CCDC171: variants seen among roughly 807,000 people sequenced by gnomAD.
CCDC171 encodes the protein coiled-coil domain-containing protein 171.
In CCDC171, 177 loss-of-function variants were observed where a neutral mutation model predicts 168.2. That is an observed-to-expected ratio of 1.05 (90% CI 0.93 to 1.19). CCDC171 has a LOEUF of 1.19. Ranked by LOEUF, CCDC171 falls within the 50% of genes most tolerant of loss-of-function variation. The pLI is 0.00. For synonymous variants in CCDC171, 687 were observed against 540.8 expected, an observed-to-expected ratio of 1.27 and a Z score of -3.75; for missense variants, 1,991 against 1,539.0, an observed-to-expected ratio of 1.29 and a Z score of -4.91.
chr9:15,915,860 T>A (rs1032060789), intron 24 of CCDC171, among the ~76,000 whole-genome samples: 9 of 152,192 alleles, frequency 5.9e-5, no homozygotes, highest in Non-Finnish European at 2.9e-5. Flanking sequence ...TCTGCATCTA[T>A]TGAGATGATC....
chr9:15,834,147 T>C (rs2060344656), intron 21 of CCDC171, among the ~76,000 whole-genome samples: 1 of 152,164 alleles, frequency 6.6e-6, no homozygotes, highest in African/African-American at 2.4e-5. Flanking sequence ...ATCATGATTA[T>C]TTTAGTTCTC....
the CCDC171 span, among the ~76,000 whole-genome samples, chr9:16,066,913 A>G: frequency 1.3e-5 from 2 of 151,492 alleles, no homozygotes; most frequent in Non-Finnish European, 2.9e-5. Context: ...ATAATGCCGC[A>G]ATAAACATAG....
chr9:15,853,050 A>G (rs1318773752), intron 23 of CCDC171, among the ~76,000 whole-genome samples: 1 of 151,694 alleles, frequency 6.6e-6, no homozygotes, highest in Non-Finnish European at 1.5e-5. Flanking sequence ...TGTTTTGACT[A>G]TTCAAGTTCT....
chr9:15,811,990 A>G (rs12002511), intron 21 of CCDC171, among the ~76,000 whole-genome samples: 4,155 of 152,266 alleles, frequency 0.027, 188 homozygotes, highest in African/African-American at 0.096. Context: ...TTTAGGAGGC[A>G]GACTATGTAT....
At chr9:15,801,792 T>C (rs991127362) in intron 21 of CCDC171, among the ~76,000 whole-genome samples, 1 of 152,118 alleles carries the variant, frequency 6.6e-6, no homozygotes, top group Non-Finnish European at 1.5e-5. Context: ...GTATGTTCCT[T>C]ATATCCCCAT....
At chr9:15,964,495 T>C (rs1001599560) in intron 25 of CCDC171, among the ~76,000 whole-genome samples, 3 of 152,172 alleles carry the variant, frequency 2.0e-5, no homozygotes, top group Non-Finnish European at 4.4e-5. Context: ...CCCCTTTGCA[T>C]TTTCTGGCCA....
intron 25 of CCDC171, among the ~76,000 whole-genome samples, chr9:15,923,006 A>AG (rs920790404): frequency 6.6e-6 from 1 of 151,580 alleles, no homozygotes; most frequent in Non-Finnish European, 1.5e-5. Flanking sequence ...CCCATCCTGT[A>AG]GGTTGTCTCT....
chr9:16,048,440 A>T (rs1197613294), intron 1 of CCDC171, among the ~76,000 whole-genome samples: 1 of 152,202 alleles, frequency 6.6e-6, no homozygotes, highest in East Asian at 1.9e-4. Flanking sequence ...AAGTGGGGCC[A>T]GCCAATGCCA....
chr9:15,666,756 T>C (rs2048765262), intron 9 of CCDC171, among the ~76,000 whole-genome samples: 1 of 152,026 alleles, frequency 6.6e-6, no homozygotes, highest in Non-Finnish European at 1.5e-5. Context: ...GCCCGGGAGT[T>C]CAAGGCTGAA....
At chr9:15,975,230 G>T (rs553072940), downstream of CCDC171, among the ~76,000 whole-genome samples, 165 of 152,204 alleles carry the variant, frequency 1.1e-3, 1 homozygote, top group African/African-American at 3.9e-3. Context: ...AATAACTGAG[G>T]ATCAAAAATG....
intron 6 of CCDC171, among the ~76,000 whole-genome samples, chr9:15,596,572 G>A (rs1228007689): frequency 6.6e-6 from 1 of 152,048 alleles, no homozygotes; most frequent in Non-Finnish European, 1.5e-5. Flanking sequence ...TTGAAGTCAG[G>A]TAGCGTGATG....
chr9:15,714,953 A>G (rs2052967540), intron 11 of CCDC171, among the ~76,000 whole-genome samples: 2 of 152,180 alleles, frequency 1.3e-5, no homozygotes, highest in Non-Finnish European at 2.9e-5. Flanking sequence ...CTTTGACTCC[A>G]CTACCCATTA....
intron 21 of CCDC171, among the ~76,000 whole-genome samples, chr9:15,829,564 C>T (rs564913197): frequency 6.6e-6 from 1 of 152,186 alleles, no homozygotes; most frequent in African/African-American, 2.4e-5. Context: ...ATGTGTTTTC[C>T]CTCTTTAGTG....
chr9:15,554,302 G>A (rs1211820099), intron 1 of CCDC171, among the ~76,000 whole-genome samples: 1 of 152,220 alleles, frequency 6.6e-6, no homozygotes, highest in Admixed American at 6.5e-5. Context: ...TTACAGGCGT[G>A]AGCCACTGCG....
chr9:15,599,416 T>A (rs921242042), intron 6 of CCDC171, among the ~76,000 whole-genome samples: 3 of 152,178 alleles, frequency 2.0e-5, no homozygotes, highest in African/African-American at 7.2e-5. Flanking sequence ...GAAGCTTAGT[T>A]TGGCTGGATA....
chr9:15,796,110 A>G (rs1037226617), intron 21 of CCDC171, among the ~76,000 whole-genome samples: 1 of 152,250 alleles, frequency 6.6e-6, no homozygotes, highest in African/African-American at 2.4e-5. Context: ...AATTGAAATC[A>G]GCTAAACAGA....
chr9:15,562,480 A>G (rs910748984), intron 1 of CCDC171, among the ~76,000 whole-genome samples: 5 of 152,160 alleles, frequency 3.3e-5, no homozygotes, highest in African/African-American at 1.2e-4. Flanking sequence ...TCTCTAGAGG[A>G]CCATTCAGAT....
chr9:15,580,102 A>G (rs189386996), intron 4 of CCDC171, among the ~76,000 whole-genome samples: 1 of 152,316 alleles, frequency 6.6e-6, no homozygotes, highest in East Asian at 1.9e-4. Flanking sequence ...CAAAGCAAAC[A>G]AAAACATAAA....
intron 3 of CCDC171, among the ~76,000 whole-genome samples, chr9:16,009,643 ATCAATAG>A (rs1160487132): frequency 3.3e-5 from 5 of 152,188 alleles, no homozygotes; most frequent in Non-Finnish European, 5.9e-5. Flanking sequence ...AACCACATAC[ATCAATAG>A]TCAAATTGGT....
Sources: gnomAD v4.1 joint callset for allele counts (sites outside exome capture counted in the v4.1 genomes callset) on GRCh38, gnomAD v4.1.1 for gene constraint, MANE v1.5 for transcripts, NCBI Gene and HGNC (gene_info 2026-07-23, HGNC 2026-07-21) for gene names.